The following DSCAM variants were observed in gnomAD, a reference collection of about 807,000 sequenced individuals.
The protein encoded by DSCAM is cell adhesion molecule DSCAM.
Under a neutral mutation model 217.7 loss-of-function variants are expected in DSCAM, and 47 were observed. The observed-to-expected ratio is 0.22, with a 90% confidence interval of 0.17 to 0.28. The LOEUF is 0.28. Among genes scored for constraint, DSCAM ranks in the 10% least tolerant of loss-of-function variants. The probability of loss-of-function intolerance (pLI) is 1.00; values close to 1 mark genes in which losing one functional copy is unlikely to be tolerated. For missense variants in DSCAM, 2,080 were observed against 2,618.3 expected, an observed-to-expected ratio of 0.79 and a Z score of 4.49; for synonymous variants, 1,056 against 1,015.3, an observed-to-expected ratio of 1.04 and a Z score of -0.76.
chr21:40,013,206 G>T lies in DSCAM; in HGVS notation c.5867C>A (p.Ser1956Tyr), dbSNP rs779353996. 6.2e-7 allele frequency: 1 copy of T among 1,613,636 alleles called. No homozygotes were observed. Among genetic ancestry groups the T allele is most frequent in the East Asian group, 2.2e-5 (1 of 44,848 alleles). Residue 1956 changes from serine to tyrosine, a missense_variant, in exon 33 of 33, where the codon TCC becomes TAC. Ser to Tyr is a moderately radical substitution (Grantham distance 144). Coordinates refer to ENST00000400454, the MANE Select transcript of DSCAM (RefSeq NM_001389.5). The part of the protein sequence containing the change: ...IPMEAASSAS[S>Y]TREGQSWQPG... Reference sequence around the variant, plus strand: ...CTGCCACGACTGTCCTTCTCTCGTGGAGGAGGCGGAGGAGGCGGCTTCCAT... The same window carrying T: ...CTGCCACGACTGTCCTTCTCTCGTGTAGGAGGCGGAGGAGGCGGCTTCCAT...
intron 32 of DSCAM, among the ~76,000 whole-genome samples, chr21:40,032,705 A>G (rs377680167): frequency 6.6e-6 from 1 of 151,978 alleles, no homozygotes; most frequent in East Asian, 1.9e-4. Context: ...CAGCTCTTTG[A>G]CACTATAGTG....
intron 1 of DSCAM, among the ~76,000 whole-genome samples, chr21:40,789,648 C>T (rs941657472): frequency 1.2e-4 from 18 of 151,218 alleles, no homozygotes; most frequent in Admixed American, 5.9e-4. Flanking sequence ...CTCCGCCTCC[C>T]GGGTTCACGC....
intron 2 of DSCAM, among the ~76,000 whole-genome samples, chr21:40,703,494 G>T (rs565784514): frequency 1.1e-4 from 17 of 152,210 alleles, no homozygotes; most frequent in Non-Finnish European, 1.6e-4. Flanking sequence ...ACCCCAGCCT[G>T]GTTGACAGAG....
intron 3 of DSCAM, among the ~76,000 whole-genome samples, chr21:40,526,237 A>G (rs1247450716): frequency 2.0e-5 from 3 of 152,008 alleles, no homozygotes; most frequent in African/African-American, 7.3e-5. Flanking sequence ...GGTGGTTCAC[A>G]CCTAAACCCT....
Position 40,182,650 on chromosome 21 carries a change from T to A in DSCAM, c.2780-3556A>T, listed in dbSNP as rs34163425. ...CAGAGAAACCGTGGACAGGAGGGGG[T>A]TACCAGAGAAACCGTGGACAGGGGG... is the stretch of plus-strand genomic sequence containing the variant. On this transcript the variant is annotated intron_variant, in intron 14 of 32. Coordinates refer to ENST00000400454, the MANE Select transcript of DSCAM (RefSeq NM_001389.5). Among the ~76,000 whole-genome samples the A allele has an allele frequency of 5.5e-3, 293 of 53,728 alleles. 1 individual carries two copies. Among genetic ancestry groups the A allele is most frequent in the Non-Finnish European group, 5.9e-3 (179 of 30,154 alleles). 35.2% of individuals were successfully genotyped at this position (53,728 alleles called of 152,430 possible).
intron 1 of DSCAM, among the ~76,000 whole-genome samples, chr21:40,723,157 G>C (rs1401426430): frequency 6.6e-6 from 1 of 150,808 alleles, no homozygotes; most frequent in African/African-American, 2.4e-5. Context: ...TGAGATGTAG[G>C]TTGCATTCTT....
At chr21:40,166,373 G>A (rs1011935273) in intron 16 of DSCAM, among the ~76,000 whole-genome samples, 5 of 152,146 alleles carry the variant, frequency 3.3e-5, no homozygotes, top group Admixed American at 1.3e-4. Context: ...CTTTTGATTC[G>A]ATAATAACGT....
chr21:40,108,268 A>G (rs558705521), intron 20 of DSCAM, among the ~76,000 whole-genome samples: 2 of 152,322 alleles, frequency 1.3e-5, no homozygotes, highest in African/African-American at 4.8e-5. Flanking sequence ...AAATGCCATC[A>G]TCTCAGCCCA....
At chr21:40,506,065 T>C (rs1025666393) in intron 3 of DSCAM, among the ~76,000 whole-genome samples, 2 of 152,230 alleles carry the variant, frequency 1.3e-5, no homozygotes, top group South Asian at 2.1e-4. Context: ...CTTGTGCTTT[T>C]TTCCAGATTC....
chr21:40,530,915 ATT>A (rs2076440062), intron 3 of DSCAM, among the ~76,000 whole-genome samples: 2 of 81,388 alleles, frequency 2.5e-5, no homozygotes, highest in Non-Finnish European at 4.2e-5. Flanking sequence ...CCATCCATCC[ATT>A]CAACCATCCA....
At chr21:40,700,727 C>A (rs1000830958) in intron 2 of DSCAM, among the ~76,000 whole-genome samples, 8 of 146,698 alleles carry the variant, frequency 5.5e-5, no homozygotes, top group Admixed American at 1.4e-4. Context: ...TTTATTCTTT[C>A]TTTCTTTCTT....
intron 1 of DSCAM, among the ~76,000 whole-genome samples, chr21:40,753,865 G>A (rs1350530705): frequency 6.6e-6 from 1 of 152,180 alleles, no homozygotes; most frequent in East Asian, 1.9e-4. Flanking sequence ...AAGTGGAGCT[G>A]GGCCTTGTCA....
chr21:40,304,432 C>A (rs1997542), intron 9 of DSCAM, among the ~76,000 whole-genome samples: 19,892 of 152,234 alleles, frequency 0.13, 2,209 homozygotes, highest in African/African-American at 0.3. Flanking sequence ...ATATTAGCAA[C>A]GAGGTTGTTT....
At chr21:40,515,750 C>T (rs1325481507) in intron 3 of DSCAM, among the ~76,000 whole-genome samples, 1 of 152,126 alleles carries the variant, frequency 6.6e-6, no homozygotes, top group Non-Finnish European at 1.5e-5. Context: ...ACACTCAGCG[C>T]ACTCGTAGGC....
intron 9 of DSCAM, among the ~76,000 whole-genome samples, chr21:40,311,095 G>A (rs2074132614): frequency 6.6e-6 from 1 of 152,118 alleles, no homozygotes; most frequent in Non-Finnish European, 1.5e-5. Flanking sequence ...GAATGAAGAA[G>A]GACATGAGAA....
intron 27 of DSCAM, among the ~76,000 whole-genome samples, chr21:40,064,900 G>A (rs2089183255): frequency 6.6e-6 from 1 of 152,152 alleles, no homozygotes; most frequent in Non-Finnish European, 1.5e-5. Context: ...GTGGGTGGTG[G>A]ATGGGTGTGG....
At chr21:40,442,957 A>G (rs1165548107) in intron 3 of DSCAM, among the ~76,000 whole-genome samples, 1 of 152,218 alleles carries the variant, frequency 6.6e-6, no homozygotes, top group Admixed American at 6.5e-5. Flanking sequence ...CATGAAACAA[A>G]AGCATACAAA....
intron 3 of DSCAM, among the ~76,000 whole-genome samples, chr21:40,661,258 A>G (rs73905034): frequency 0.015 from 2,260 of 152,358 alleles, 46 homozygotes; most frequent in African/African-American, 0.05. Flanking sequence ...CAAGATGTGT[A>G]TAGAAAATGT....
At chr21:40,683,019 T>C (rs370181187) in intron 3 of DSCAM, among the ~76,000 whole-genome samples, 3 of 152,252 alleles carry the variant, frequency 2.0e-5, no homozygotes, top group African/African-American at 7.2e-5. Context: ...AAGTCAGTCA[T>C]GTAAGGACAG....
Sources: gnomAD v4.1 joint callset for allele counts (sites outside exome capture counted in the v4.1 genomes callset) on GRCh38, gnomAD v4.1.1 for gene constraint, MANE v1.5 for transcripts, NCBI Gene and HGNC (gene_info 2026-07-23, HGNC 2026-07-21) for gene names.